KMO: variants seen among roughly 807,000 people sequenced by gnomAD.
KMO encodes the protein kynurenine 3-hydroxylase.
A neutral mutation model predicts 57.8 loss-of-function variants in KMO; 24 were observed. That is an observed-to-expected ratio of 0.42 (90% CI 0.30 to 0.58). The LOEUF (loss-of-function observed/expected upper bound fraction) is 0.58, where lower values mean the gene tolerates loss of function less well. Among genes scored for constraint, KMO ranks in the 20% least tolerant of loss-of-function variants. The probability of loss-of-function intolerance (pLI) is 0.22; values close to 1 mark genes in which losing one functional copy is unlikely to be tolerated. For missense variants in KMO, 483 were observed against 588.2 expected, an observed-to-expected ratio of 0.82 and a Z score of 1.85; for synonymous variants, 210 against 193.6, an observed-to-expected ratio of 1.08 and a Z score of -0.70.
chr1:241,552,183 A>T (rs1017857272), intron 4 of KMO, among the ~76,000 whole-genome samples: 118 of 106,456 alleles, frequency 1.1e-3, no homozygotes, highest in African/African-American at 3.7e-3. Context: ...TGTGAGAGAG[A>T]GAGAGAGAGA....
intron 1 of KMO, among the ~76,000 whole-genome samples, chr1:241,544,886 A>T (rs1295548801): frequency 6.6e-6 from 1 of 152,208 alleles, no homozygotes; most frequent in East Asian, 1.9e-4. Context: ...AGAAATTCAA[A>T]TAATATAAAA....
In KMO at chr1:241,594,334, T is replaced by C. The variant is rs1248775715; in HGVS notation, c.*2181T>C. On this transcript the variant is annotated 3_prime_UTR_variant, in exon 15 of 15. Coordinates refer to ENST00000366559, the MANE Select transcript of KMO (RefSeq NM_003679.5). ...GCTGGACCACAAGGTTCTGTTGATA[T>C]TACATAGAACGGGTATTCCAGACAC... 3.0e-6 allele frequency: 4 copies of C among 1,350,316 alleles called. No individual in the cohort carries two copies. The highest frequency in any genetic ancestry group is 2.9e-5 in the African/African-American group (2 of 68,844). 83.6% of individuals were successfully genotyped at this position (1,350,316 alleles called of 1,614,324 possible).
chr1:241,572,428 T>G (rs530046333), intron 10 of KMO, among the ~76,000 whole-genome samples: 1 of 152,188 alleles, frequency 6.6e-6, no homozygotes, highest in Admixed American at 6.5e-5. Context: ...GTGTCTCCAT[T>G]TTGACCTCTG....
chr1:241,567,137 C>T (rs1168934084), intron 9 of KMO, among the ~76,000 whole-genome samples: 2 of 152,206 alleles, frequency 1.3e-5, no homozygotes, highest in African/African-American at 4.8e-5. Context: ...TAAGTTGTCT[C>T]TCTAGACACC....
chr1:241,536,805 G>GACT (rs1660770160), intron 1 of KMO, among the ~76,000 whole-genome samples: 1 of 152,116 alleles, frequency 6.6e-6, no homozygotes, highest in Admixed American at 6.6e-5. Flanking sequence ...TACGTATTTT[G>GACT]ACTTATTGTT....
intron 10 of KMO, among the ~76,000 whole-genome samples, chr1:241,585,563 G>C (rs2147982452): frequency 6.6e-6 from 1 of 152,168 alleles, no homozygotes; most frequent in Non-Finnish European, 1.5e-5. Flanking sequence ...TTTGAGACCA[G>C]TCTGGCCAAT....
intron 12 of KMO, among the ~76,000 whole-genome samples, chr1:241,589,806 G>A (rs1213894066): frequency 5.3e-5 from 8 of 152,144 alleles, no homozygotes; most frequent in Non-Finnish European, 1.0e-4. Context: ...AGCAGGTTTC[G>A]TGTAATTGCT....
chr1:241,533,697 C>A (rs1660658543), intron 1 of KMO, among the ~76,000 whole-genome samples: 1 of 151,908 alleles, frequency 6.6e-6, no homozygotes, highest in African/African-American at 2.4e-5. Context: ...GGTGAGAATT[C>A]CAGAGAAGAA....
At chr1:241,541,919 A>G (rs1660972304) in intron 1 of KMO, among the ~76,000 whole-genome samples, 1 of 152,224 alleles carries the variant, frequency 6.6e-6, no homozygotes, top group East Asian at 1.9e-4. Flanking sequence ...AGAAACATTC[A>G]TGATTCTTAA....
rs1662344998 is a variant in KMO, at chr1:241,572,616, A to G, written c.957+3969A>G. Among the ~76,000 whole-genome samples the G allele has an allele frequency of 1.3e-5, 2 of 152,126 alleles. 1 individual carries two copies. Among genetic ancestry groups the G allele is most frequent in the East Asian group, 3.9e-4 (2 of 5,186 alleles). On this transcript the variant is annotated intron_variant, in intron 10 of 14. Coordinates refer to ENST00000366559, the MANE Select transcript of KMO (RefSeq NM_003679.5). ...TTTAAAGAAACTTTAAAAAATTCCT[A>G]TTGAGATTATTTTCTTTTTAAATTA...
intron 7 of KMO, among the ~76,000 whole-genome samples, chr1:241,563,581 G>T (rs984322843): frequency 6.6e-6 from 1 of 152,138 alleles, no homozygotes; most frequent in Non-Finnish European, 1.5e-5. Flanking sequence ...TCATGGCCCA[G>T]AATCTGATAA....
intron 10 of KMO, among the ~76,000 whole-genome samples, chr1:241,573,541 T>TA: frequency 6.6e-6 from 1 of 152,238 alleles, no homozygotes; most frequent in African/African-American, 2.4e-5. Flanking sequence ...TGTCCTTGCC[T>TA]CAATTTATGT....
chr1:241,549,460 C>T (rs1049437910), intron 2 of KMO, among the ~76,000 whole-genome samples: 2 of 151,858 alleles, frequency 1.3e-5, no homozygotes, highest in East Asian at 1.9e-4. Flanking sequence ...TTTAATAAAA[C>T]GCTTTTCTTA....
At chr1:241,537,239 C>G (rs963892451) in intron 1 of KMO, among the ~76,000 whole-genome samples, 33 of 152,242 alleles carry the variant, frequency 2.2e-4, no homozygotes, top group Middle Eastern at 3.4e-3. Flanking sequence ...GCTCACAGAT[C>G]TCTAGCTTTG....
At chr1:241,574,354 A>T (rs1368000623) in intron 10 of KMO, among the ~76,000 whole-genome samples, 1 of 152,102 alleles carries the variant, frequency 6.6e-6, no homozygotes, top group Non-Finnish European at 1.5e-5. Flanking sequence ...TTCAGTTCTG[A>T]AGGGGAATTC....
chr1:241,533,915 C>T (rs1660666196), intron 1 of KMO, among the ~76,000 whole-genome samples: 1 of 152,182 alleles, frequency 6.6e-6, no homozygotes, highest in South Asian at 2.1e-4. Flanking sequence ...TGAGAAAGAG[C>T]ATTTCAGGCA....
intron 10 of KMO, among the ~76,000 whole-genome samples, chr1:241,578,164 G>A (rs1300829632): frequency 6.6e-6 from 1 of 152,124 alleles, no homozygotes; most frequent in African/African-American, 2.4e-5. Context: ...ACTTCCATGG[G>A]AGAAGCCCCA....
intron 10 of KMO, among the ~76,000 whole-genome samples, chr1:241,580,078 T>C (rs1456624277): frequency 6.6e-6 from 1 of 152,184 alleles, no homozygotes; most frequent in Admixed American, 6.5e-5. Flanking sequence ...TGGGGATTTA[T>C]ATCCTGGAGG....
chr1:241,592,217 T>G lies in KMO; in HGVS notation c.*64T>G. The G allele has an allele frequency of 8.2e-7, 1 of 1,215,724 alleles. No homozygotes were observed. Among genetic ancestry groups the G allele is most frequent in the Non-Finnish European group, 1.2e-6 (1 of 842,718 alleles). The allele number at this position is 1,215,724 out of a possible 1,614,324, so 75.3% of individuals were successfully genotyped here. A position where few individuals can be genotyped will look rare whatever the true frequency, so the allele number is the denominator to read the frequency against. ...TGACCAAAATTAAGCATGAAAAAAA[T>G]GTTTCCATTGCCATATTTGATTCAC... On this transcript the variant is annotated 3_prime_UTR_variant, in exon 15 of 15. Coordinates refer to ENST00000366559, the MANE Select transcript of KMO (RefSeq NM_003679.5).
Sources: allele counts gnomAD v4.1 joint callset (sites outside exome capture counted in the v4.1 genomes callset), GRCh38; gene constraint gnomAD v4.1.1; transcripts MANE v1.5; gene names NCBI Gene and HGNC (gene_info 2026-07-23, HGNC 2026-07-21).